The following SP3 variants were observed in gnomAD, a reference collection of about 807,000 sequenced individuals.
SP3 encodes transcription factor Sp3.
A neutral mutation model predicts 70.3 loss-of-function variants in SP3; 10 were observed. The observed-to-expected ratio is 0.14, with a 90% CI of 0.09 to 0.24. The LOEUF is 0.24. Ranked by LOEUF, SP3 falls within the 10% of genes least tolerant of loss-of-function variation. SP3 has a pLI of 1.00. For missense variants in SP3, 825 were observed against 914.6 expected (o/e 0.90, Z 1.26); for synonymous variants, 402 against 333.5 (o/e 1.21, Z -2.24).
chr2:173,946,865 G>C (rs73028265), intron 4 of SP3, among the ~76,000 whole-genome samples: 1 of 150,900 alleles, frequency 6.6e-6, no homozygotes, highest in African/African-American at 2.4e-5. Flanking sequence ...GCGACTACAG[G>C]TGTGTACCAC....
At chr2:173,956,287 C>A in intron 3 of SP3, 55 bp from the exon 4 acceptor site, 1 of 1,508,558 alleles carries the variant, frequency 6.6e-7, no homozygotes, top group Non-Finnish European at 8.8e-7. Flanking sequence ...AATCAACCCT[C>A]AAAAAATTCT....
At chr2:173,931,181 C>A (rs778347455) in intron 4 of SP3, among the ~76,000 whole-genome samples, 9 of 152,296 alleles carry the variant, frequency 5.9e-5, no homozygotes, top group Non-Finnish European at 8.8e-5. Context: ...AAATCGTAAT[C>A]TTTTTGCTGG....
chr2:173,945,497 A>G (rs1056023061), intron 4 of SP3, among the ~76,000 whole-genome samples: 4 of 152,204 alleles, frequency 2.6e-5, no homozygotes, highest in Non-Finnish European at 5.9e-5. Flanking sequence ...TCCCAGACAT[A>G]TAAAGACATT....
chr2:173,910,037 A>G lies in SP3; in HGVS notation c.2250T>C (p.Thr750=), dbSNP rs1415019752. 1 of 1,613,616 alleles carries G rather than the reference A, an allele frequency of 6.2e-7. No individual in the cohort carries two copies. Among genetic ancestry groups the G allele is most frequent in the Non-Finnish European group, 8.5e-7 (1 of 1,179,800 alleles). The change falls in exon 7 of 7, where the codon ACT becomes ACC. Residue 750 remains threonine, a synonymous_variant. Coordinates refer to ENST00000310015, the MANE Select transcript of SP3 (RefSeq NM_003111.5). ...IQQGSVSGIG[T]VNTSATSNQD... ...GATTGCTGGTGGCGGAAGTATTAAC[A>G]GTTCCTATCCCTGAAACAGAACCTT...
At chr2:173,929,869 C>T (rs1014581770) in intron 4 of SP3, among the ~76,000 whole-genome samples, 7 of 152,160 alleles carry the variant, frequency 4.6e-5, no homozygotes. Context: ...TTTATTCAGA[C>T]TTTTGTCTAT....
At chr2:173,927,102 C>T (rs1447021530) in intron 4 of SP3, among the ~76,000 whole-genome samples, 1 of 151,936 alleles carries the variant, frequency 6.6e-6, no homozygotes, top group East Asian at 1.9e-4. Context: ...ACACACTTAA[C>T]TAGATCTCAC....
intron 3 of SP3, among the ~76,000 whole-genome samples, chr2:173,962,582 T>A (rs956749788): frequency 4.6e-5 from 7 of 151,894 alleles, no homozygotes; most frequent in Non-Finnish European, 8.8e-5. Flanking sequence ...ACTATTCACA[T>A]CCCCTATAAC....
chr2:173,912,016 C>T (rs968651698), intron 6 of SP3, among the ~76,000 whole-genome samples: 1 of 152,110 alleles, frequency 6.6e-6, no homozygotes, highest in African/African-American at 2.4e-5. Context: ...CACGGTTTCA[C>T]CATGTTGCCC....
At position 173,955,947 on chromosome 2, in the gene SP3, T is replaced by G. The variant is rs1559109120; in HGVS notation, c.565A>C (p.Thr189Pro). The part of the protein sequence containing the change: ...ADGQQVQIGF[T>P]GSSDNGGINQ... ...ATACCCCCATTATCTGAAGAGCCTG[T>G]GAAACCAATTTGAACCTGCTGACCA... The change falls in exon 4 of 7, where the codon ACA (threonine) becomes CCA (proline). Residue 189 changes from threonine (T) to proline (P), a missense_variant. This residue lies in a region of SP3 where 678 missense variants were observed against 651.6 expected (regional missense o/e 1.04). Transcript: ENST00000310015. 2 of 1,614,220 alleles carry G rather than the reference T, an allele frequency of 1.2e-6. No homozygotes were observed. Among genetic ancestry groups the G allele is most frequent in the East Asian group, 2.2e-5 (1 of 44,890 alleles).
intron 4 of SP3, among the ~76,000 whole-genome samples, chr2:173,925,313 GAAAT>G (rs1689884244): frequency 6.6e-6 from 1 of 152,140 alleles, no homozygotes; most frequent in South Asian, 2.1e-4. Context: ...TATGTTAAGT[GAAAT>G]AAATGAGTCA....
intron 4 of SP3, among the ~76,000 whole-genome samples, chr2:173,953,787 A>AC (rs1690792046): frequency 3.4e-5 from 4 of 117,574 alleles, no homozygotes; most frequent in Admixed American, 2.5e-4. Flanking sequence ...AACAAAACAA[A>AC]AAAAAAAACA....
intron 4 of SP3, among the ~76,000 whole-genome samples, chr2:173,922,566 C>G (rs1207469206): frequency 6.6e-6 from 1 of 151,666 alleles, no homozygotes; most frequent in East Asian, 1.9e-4. Flanking sequence ...GGAGGAAACC[C>G]TGCAGCACTC....
intron 4 of SP3, among the ~76,000 whole-genome samples, chr2:173,933,941 C>T (rs989225001): frequency 1.3e-5 from 2 of 150,886 alleles, no homozygotes; most frequent in Non-Finnish European, 2.9e-5. Flanking sequence ...AAATGAAAAG[C>T]GGAAATAAGA....
At chr2:173,939,285 C>T (rs1212622479) in intron 4 of SP3, among the ~76,000 whole-genome samples, 1 of 152,198 alleles carries the variant, frequency 6.6e-6, no homozygotes, top group East Asian at 1.9e-4. Context: ...GGGAAAATGA[C>T]TGATACCAAA....
At chr2:173,931,277 C>T (rs1690057644) in intron 4 of SP3, among the ~76,000 whole-genome samples, 1 of 152,100 alleles carries the variant, frequency 6.6e-6, no homozygotes, top group Non-Finnish European at 1.5e-5. Context: ...ATCTGTAATT[C>T]CAGCACTTTG....
chr2:173,929,485 T>C (rs1329644045), intron 4 of SP3, among the ~76,000 whole-genome samples: 2 of 152,142 alleles, frequency 1.3e-5, no homozygotes, highest in Admixed American at 1.3e-4. Flanking sequence ...ACAAGTTATC[T>C]ACTTCCCTTC....
At position 173,963,921 on chromosome 2, in the gene SP3, GGA is replaced by G. The variant is rs753723775; in HGVS notation, c.157-40_157-39del. ...GGCGGGTTCAGAGAGGGAGACAGGG[GGA>G]GGGGGTGGCGGTTAGGGTCGGGCCG... On this transcript the variant is annotated intron_variant, in intron 2 of 6. Coordinates refer to ENST00000310015, the MANE Select transcript of SP3 (RefSeq NM_003111.5). The G allele has an allele frequency of 5.7e-5, 80 of 1,397,560 alleles. No homozygotes were observed. In the South Asian group the frequency reaches 6.9e-4, roughly 12 times the overall value. 86.6% of individuals were successfully genotyped at this position (1,397,560 alleles called of 1,614,324 possible). A position where few individuals can be genotyped will look rare whatever the true frequency, so the allele number is the denominator to read the frequency against.
At chr2:173,910,319 T>A (rs1689443516) in intron 6 of SP3, 62 bp from the exon 7 acceptor site, 3 of 1,423,822 alleles carry the variant, frequency 2.1e-6, no homozygotes, top group South Asian at 2.4e-5. Flanking sequence ...CTCAATCATC[T>A]CCCCCAAAAC....
At chr2:173,938,895 G>A (rs962098752) in intron 4 of SP3, among the ~76,000 whole-genome samples, 2 of 152,170 alleles carry the variant, frequency 1.3e-5, no homozygotes, top group African/African-American at 4.8e-5. Context: ...GGGAGATGAA[G>A]AACTGTCCTC....
Sources: allele counts gnomAD v4.1 joint callset (sites outside exome capture counted in the v4.1 genomes callset), GRCh38; gene constraint gnomAD v4.1.1; regional missense constraint gnomAD v4.1.1; transcripts MANE v1.5; gene names NCBI Gene and HGNC (gene_info 2026-07-23, HGNC 2026-07-21).